RANBP2: variants seen among roughly 807,000 people sequenced by gnomAD.
The protein encoded by RANBP2 is E3 SUMO-protein ligase RanBP2.
In RANBP2, 57 loss-of-function variants were observed where a neutral mutation model predicts 303.6. That is an observed-to-expected ratio of 0.19 (90% CI 0.15 to 0.23). RANBP2 has a LOEUF of 0.23. RANBP2 is among the 10% of genes least tolerant of loss of function. The pLI is 1.00. For missense variants in RANBP2, 3,138 were observed against 3,780.8 expected (o/e 0.83, Z 4.46); for synonymous variants, 1,167 against 1,301.5 (o/e 0.90, Z 2.23).
chr2:108,747,298 C>T (rs566285740), intron 8 of RANBP2, among the ~76,000 whole-genome samples: 42 of 152,210 alleles, frequency 2.8e-4, no homozygotes, highest in African/African-American at 5.1e-4. Flanking sequence ...AGGTCTGTTG[C>T]GTATTACCTG....
chr2:109,243,379 G>A, the RANBP2 span, among the ~76,000 whole-genome samples: 2 of 152,204 alleles, frequency 1.3e-5, no homozygotes, highest in African/African-American at 2.4e-5. Context: ...AGATATTCCC[G>A]GGGCACATGC....
At chr2:109,633,923 T>A in the RANBP2 span, among the ~76,000 whole-genome samples, 3 of 151,694 alleles carry the variant, frequency 2.0e-5, no homozygotes, top group East Asian at 1.9e-4. Context: ...AGTTCGAGAC[T>A]AGCCTGGCCT....
At chr2:109,360,033 C>T in the RANBP2 span, among the ~76,000 whole-genome samples, 2 of 150,554 alleles carry the variant, frequency 1.3e-5, no homozygotes, top group South Asian at 2.1e-4. Flanking sequence ...ACTTACTGGT[C>T]CCTTAACCAC....
At chr2:108,815,525 G>T in the RANBP2 span, among the ~76,000 whole-genome samples, 26 of 128,014 alleles carry the variant, frequency 2.0e-4, no homozygotes, top group Non-Finnish European at 3.8e-4. Flanking sequence ...GGTGTGCAGT[G>T]GTGCGATCTC....
the RANBP2 span, among the ~76,000 whole-genome samples, chr2:109,314,834 G>T: frequency 6.6e-6 from 1 of 152,234 alleles, no homozygotes; most frequent in African/African-American, 2.4e-5. Flanking sequence ...GTGAATAGGA[G>T]AATCAGACCA....
At chr2:109,068,024 C>G in the RANBP2 span, among the ~76,000 whole-genome samples, 1 of 152,230 alleles carries the variant, frequency 6.6e-6, no homozygotes, top group Non-Finnish European at 1.5e-5. Flanking sequence ...ACACACCTGC[C>G]TGCTCACATG....
chr2:108,816,227 G>A, the RANBP2 span: 4 of 679,138 alleles, frequency 5.9e-6, no homozygotes, highest in Non-Finnish European at 9.7e-6. Flanking sequence ...GAGCTGGGCA[G>A]ATCACCTGAG....
the RANBP2 span, among the ~76,000 whole-genome samples, chr2:108,855,610 A>G: frequency 6.6e-6 from 1 of 152,224 alleles, no homozygotes; most frequent in Non-Finnish European, 1.5e-5. Context: ...AATTAAGTAC[A>G]GTAATGTTGG....
In RANBP2 at chr2:108,781,367, A is replaced by G; in HGVS notation, c.8698A>G (p.Ser2900Gly). The change falls in exon 26 of 29, where the codon AGT becomes GGT. Residue 2900 changes from serine (S) to glycine (G), a missense_variant. Physicochemically the swap from Ser to Gly is moderately conservative, Grantham distance 56 (BLOSUM62 0). Coordinates refer to ENST00000283195, the MANE Select transcript of RANBP2 (RefSeq NM_006267.5). ...TAAAGTTGGTGAAGATGAAGATGGT[A>G]GTGATGAAGAAGTAGTTCATAATGA... ...AGKVGEDEDG[S>G]DEEVVHNEDI... The G allele has an allele frequency of 6.2e-7, 1 of 1,614,220 alleles. No homozygotes were observed. The highest frequency in any genetic ancestry group is 2.2e-5 in the East Asian group (1 of 44,884).
chr2:108,792,473 G>A, the RANBP2 span, among the ~76,000 whole-genome samples: 1 of 152,044 alleles, frequency 6.6e-6, no homozygotes, highest in Non-Finnish European at 1.5e-5. Context: ...AAAAGTAATG[G>A]CAAAAGCCAC....
chr2:108,889,432 A>G, the RANBP2 span, among the ~76,000 whole-genome samples: 1 of 152,172 alleles, frequency 6.6e-6, no homozygotes. Context: ...CTCTCCTTAG[A>G]TCTAATAATA....
At chr2:109,761,387 T>C in the RANBP2 span, among the ~76,000 whole-genome samples, 1 of 150,856 alleles carries the variant, frequency 6.6e-6, no homozygotes, top group East Asian at 2.0e-4. Context: ...GGGTTCACAG[T>C]TCCTCTGGGC....
At chr2:108,733,856 T>G (rs1695363492) in intron 4 of RANBP2, among the ~76,000 whole-genome samples, 1 of 151,764 alleles carries the variant, frequency 6.6e-6, no homozygotes, top group Non-Finnish European at 1.5e-5. Flanking sequence ...GATTTTTTTT[T>G]TTTGGAATTG....
chr2:109,051,995 G>A, the RANBP2 span, among the ~76,000 whole-genome samples: 6 of 152,200 alleles, frequency 3.9e-5, no homozygotes, highest in Middle Eastern at 3.4e-3. Flanking sequence ...TGATCCGCCC[G>A]CCTCGGCCTC....
chr2:109,042,629 T>C, the RANBP2 span, among the ~76,000 whole-genome samples: 62 of 152,352 alleles, frequency 4.1e-4, no homozygotes, highest in African/African-American at 1.4e-3. Flanking sequence ...CTTAGCCTTA[T>C]AATTCTTGTC....
At chr2:108,835,216 T>C in the RANBP2 span, among the ~76,000 whole-genome samples, 1 of 152,212 alleles carries the variant, frequency 6.6e-6, no homozygotes, top group African/African-American at 2.4e-5. Flanking sequence ...GTTTCATATA[T>C]AGGCACTGTT....
chr2:109,352,983 C>T, the RANBP2 span, among the ~76,000 whole-genome samples: 3 of 152,264 alleles, frequency 2.0e-5, no homozygotes, highest in Non-Finnish European at 2.9e-5. Context: ...TCCATGGGCA[C>T]GCCTGGCTCC....
chr2:109,482,746 A>AG, the RANBP2 span, among the ~76,000 whole-genome samples: 3 of 152,200 alleles, frequency 2.0e-5, no homozygotes, highest in African/African-American at 7.2e-5. Flanking sequence ...CTCCTGCAGG[A>AG]GGAAGGGCAG....
At chr2:109,683,794 CT>C in the RANBP2 span, among the ~76,000 whole-genome samples, 1 of 152,140 alleles carries the variant, frequency 6.6e-6, no homozygotes, top group Non-Finnish European at 1.5e-5. Flanking sequence ...TTGGGGGTCC[CT>C]TTTTGACAAT....
Sources: allele counts gnomAD v4.1 joint callset (sites outside exome capture counted in the v4.1 genomes callset), GRCh38; gene constraint gnomAD v4.1.1; transcripts MANE v1.5; gene names NCBI Gene and HGNC (gene_info 2026-07-23, HGNC 2026-07-21).